The following UNC80 variants were observed in gnomAD, a reference collection of about 807,000 sequenced individuals.
UNC80 encodes the protein protein unc-80 homolog.
In UNC80, 164 loss-of-function variants were observed where a neutral mutation model predicts 384.6. The observed-to-expected ratio is 0.43, with a 90% CI of 0.38 to 0.49. The LOEUF (loss-of-function observed/expected upper bound fraction) is 0.49. UNC80 is among the 20% of genes least tolerant of loss of function. The pLI is 0.00. For missense variants in UNC80, 3,330 were observed against 4,143.0 expected (o/e 0.80, Z 5.39); for synonymous variants, 1,486 against 1,527.8 (o/e 0.97, Z 0.64).
intron 50 of UNC80, 124 bp from the exon 51 acceptor site, chr2:209,959,365 C>T: frequency 1.8e-6 from 2 of 1,115,476 alleles, no homozygotes; most frequent in Non-Finnish European, 2.6e-6. Context: ...TCTCCTTGGC[C>T]TCACCCTACT....
intron 25 of UNC80, among the ~76,000 whole-genome samples, chr2:209,883,094 A>C: frequency 6.6e-6 from 1 of 152,162 alleles, no homozygotes; most frequent in South Asian, 2.1e-4. Flanking sequence ...TTATAACATA[A>C]AGAGGGAAAG....
chr2:209,864,916 T>G (rs1574800966), intron 22 of UNC80, among the ~76,000 whole-genome samples: 1 of 152,224 alleles, frequency 6.6e-6, no homozygotes, highest in South Asian at 2.1e-4. Context: ...AGATTCCAGC[T>G]GAGAGGCTGT....
Position 209,904,935 on chromosome 2 carries a change from T to C in UNC80, c.4752T>C (p.Ser1584=). The change falls in exon 29 of 65, where the codon AGT becomes AGC. Residue 1584 remains serine, a synonymous_variant. Coordinates refer to ENST00000673920, the MANE Select transcript of UNC80 (RefSeq NM_001371986.1). ...DSLRESSNIS[S]VALRGKKQKE... Reference sequence around the variant, plus strand: ...TGAGGGAAAGCAGCAACATCAGCAGTGTGGCTCTCCGGGGCAAGAAACAGA... The same window carrying C: ...TGAGGGAAAGCAGCAACATCAGCAGCGTGGCTCTCCGGGGCAAGAAACAGA... 1 of 1,551,642 alleles carries C rather than the reference T, an allele frequency of 6.4e-7. No individual in the cohort carries two copies. Among genetic ancestry groups the C allele is most frequent in the Non-Finnish European group, 8.7e-7 (1 of 1,146,978 alleles).
At chr2:209,941,076 G>A in intron 43 of UNC80, 145 bp from the exon 44 acceptor site, 2 of 1,046,600 alleles carry the variant, frequency 1.9e-6, no homozygotes, top group East Asian at 2.7e-5. Flanking sequence ...CAGTAATATT[G>A]TGCTGGAAAA....
chr2:209,936,672 A>T (rs762592249), intron 40 of UNC80, among the ~76,000 whole-genome samples, 172 bp from the exon 41 acceptor site: 10 of 144,234 alleles, frequency 6.9e-5, no homozygotes, highest in Non-Finnish European at 1.4e-4. Context: ...GTGTATACAC[A>T]TATACACACA....
intron 24 of UNC80, among the ~76,000 whole-genome samples, chr2:209,878,370 G>A (rs1436205481): frequency 6.6e-6 from 1 of 152,164 alleles, no homozygotes; most frequent in African/African-American, 2.4e-5. Flanking sequence ...ATTGGTATTA[G>A]ACTTCTCTGA....
At chr2:209,887,592 C>T (rs927828837) in intron 25 of UNC80, among the ~76,000 whole-genome samples, 1 of 152,160 alleles carries the variant, frequency 6.6e-6, no homozygotes, top group Non-Finnish European at 1.5e-5. Context: ...GTTATTCTGT[C>T]GAGCACAGTT....
intron 15 of UNC80, among the ~76,000 whole-genome samples, chr2:209,831,103 T>TC (rs200135819): frequency 6.6e-6 from 1 of 152,050 alleles, no homozygotes; most frequent in East Asian, 1.9e-4. Context: ...TTTTTTTTTT[T>TC]CTTTTTTTTT....
chr2:209,832,533 AAGGAAAT>A (rs1222111015), intron 16 of UNC80, among the ~76,000 whole-genome samples: 2 of 152,172 alleles, frequency 1.3e-5, no homozygotes, highest in Admixed American at 1.3e-4. Context: ...TACTCAAATC[AAGGAAAT>A]TATTTTAAGC....
intron 14 of UNC80, among the ~76,000 whole-genome samples, chr2:209,828,877 A>G (rs998159362): frequency 6.6e-6 from 1 of 152,196 alleles, no homozygotes; most frequent in African/African-American, 2.4e-5. Context: ...TTTTCTAAAC[A>G]TGGATTGTCA....
At chr2:209,982,433 T>G in intron 60 of UNC80, 116 bp downstream of exon 60, 1 of 1,263,250 alleles carries the variant, frequency 7.9e-7, no homozygotes, top group Non-Finnish European at 1.0e-6. Flanking sequence ...GTAATGTTTT[T>G]AGATAGATCA....
chr2:209,818,961 G>A (rs1283323671), intron 11 of UNC80, 32 bp from the exon 12 acceptor site: 2 of 1,542,754 alleles, frequency 1.3e-6, no homozygotes, highest in African/African-American at 1.4e-5. Context: ...GTTAATGTAG[G>A]GAGAACTAAG....
Position 209,978,571 on chromosome 2 carries a change from C to T in UNC80, c.8981C>T (p.Thr2994Ile). 1 of 1,550,972 alleles carries T rather than the reference C, an allele frequency of 6.4e-7. No homozygotes were observed. The highest frequency in any genetic ancestry group is 1.2e-5 in the South Asian group (1 of 83,976). The change falls in exon 59 of 65, where the codon ACC becomes ATC. Residue 2994 changes from threonine (T) to isoleucine (I), a missense_variant. Around this residue, in one of 8 missense-constraint regions of UNC80, gnomAD observed 216 missense variants for 245.3 expected, o/e 0.88. Coordinates refer to ENST00000673920, the MANE Select transcript of UNC80 (RefSeq NM_001371986.1). Reference protein sequence around the residue: ...KTSISTVGTSTSAYRLSLATM... With the variant: ...KTSISTVGTSISAYRLSLATM... ...TCCATCAGTACCGTGGGCACCTCCA[C>T]CTCTGCTTACCGCCTGAGCTTGGCC...
chr2:209,915,420 AAAAAC>A (rs1192408774), intron 31 of UNC80, among the ~76,000 whole-genome samples: 1 of 151,534 alleles, frequency 6.6e-6, no homozygotes, highest in Non-Finnish European at 1.5e-5. Context: ...AAAAAAAAAA[AAAAAC>A]AAAAACTGGG....
Position 209,861,794 on chromosome 2 carries a change from C to A in UNC80, c.3628-10964C>A, listed in dbSNP as rs536477334. ...TATGCGTCCAGGAATGTATCTGTTT[C>A]TTCTAGATTTTCTAGTTTATTTGCA... On this transcript the variant is annotated intron_variant, in intron 22 of 64. Transcript: ENST00000673920. 7.0e-4 allele frequency among the ~76,000 whole-genome samples: 107 copies of A among 152,202 alleles called. 2 individuals are homozygous for A. The South Asian group carries it at 0.022, about 31-fold the overall frequency.
intron 32 of UNC80, 85 bp from the exon 33 acceptor site, chr2:209,918,447 T>G: frequency 7.0e-7 from 1 of 1,428,162 alleles, no homozygotes; most frequent in South Asian, 1.4e-5. Context: ...TAACACTTCC[T>G]GAGACAGATT....
intron 51 of UNC80, among the ~76,000 whole-genome samples, chr2:209,965,701 G>A (rs557876078): frequency 5.6e-4 from 85 of 152,088 alleles, no homozygotes; most frequent in African/African-American, 1.7e-3. Flanking sequence ...GATTACAGGC[G>A]TGAGCCAACA....
At chr2:209,980,148 G>C (rs1425891757) in intron 59 of UNC80, among the ~76,000 whole-genome samples, 1 of 152,228 alleles carries the variant, frequency 6.6e-6, no homozygotes, top group East Asian at 1.9e-4. Context: ...TCTTGACTGA[G>C]AAAACACCAT....
chr2:209,980,558 T>C (rs1030212913), intron 59 of UNC80, among the ~76,000 whole-genome samples: 2 of 152,212 alleles, frequency 1.3e-5, no homozygotes, highest in Non-Finnish European at 2.9e-5. Context: ...TATGGGTGTG[T>C]AGTAATTTAA....
Sources: gnomAD v4.1 joint callset for allele counts (sites outside exome capture counted in the v4.1 genomes callset) on GRCh38, gnomAD v4.1.1 for gene constraint, gnomAD v4.1.1 regional missense constraint, MANE v1.5 for transcripts, NCBI Gene and HGNC (gene_info 2026-07-23, HGNC 2026-07-21) for gene names.